Variants in TNRC6B observed in about 807,000 individuals in gnomAD.
The protein encoded by TNRC6B is trinucleotide repeat containing adaptor 6B, also known as trinucleotide repeat-containing gene 6B protein.
A neutral mutation model predicts 203.6 loss-of-function variants in TNRC6B; 52 were observed. The observed-to-expected ratio is 0.26, with a 90% confidence interval of 0.20 to 0.32. The LOEUF (loss-of-function observed/expected upper bound fraction) is 0.32. Ranked by LOEUF, TNRC6B falls within the 10% of genes least tolerant of loss-of-function variation. The pLI, the probability that TNRC6B is intolerant of heterozygous loss-of-function variation, is 1.00. For missense variants in TNRC6B, 1,923 were observed against 2,286.2 expected (o/e 0.84, Z 3.24); for synonymous variants, 838 against 845.7 (o/e 0.99, Z 0.16).
chr22:40,209,365 G>C (rs2069528318), intron 1 of TNRC6B, among the ~76,000 whole-genome samples: 1 of 152,120 alleles, frequency 6.6e-6, no homozygotes, highest in Non-Finnish European at 1.5e-5. Context: ...CAGTCATCTG[G>C]TTGGTTAGCA....
intron 3 of TNRC6B, among the ~76,000 whole-genome samples, chr22:40,126,631 C>G (rs1433164379): frequency 1.6e-5 from 2 of 123,558 alleles, no homozygotes; most frequent in Non-Finnish European, 3.2e-5. Flanking sequence ...GGCTCTATTG[C>G]CCAGGCTGGA....
intron 1 of TNRC6B, among the ~76,000 whole-genome samples, chr22:40,225,595 T>TAG (rs2069772154): frequency 6.6e-6 from 1 of 151,938 alleles, no homozygotes; most frequent in South Asian, 2.1e-4. Context: ...AAATAAAACT[T>TAG]AGCCAGGTGT....
upstream of TNRC6B, among the ~76,000 whole-genome samples, chr22:40,175,990 GT>G (rs2069052507): frequency 6.6e-6 from 1 of 152,194 alleles, no homozygotes; most frequent in Non-Finnish European, 1.5e-5. Context: ...GGAAAGCCGG[GT>G]TTCTAGAATC....
At chr22:40,077,032 GAAAAA>G (rs2068020744) in intron 1 of TNRC6B, among the ~76,000 whole-genome samples, 1 of 126,348 alleles carries the variant, frequency 7.9e-6, no homozygotes, top group African/African-American at 2.9e-5. Flanking sequence ...GAGAAAAAAA[GAAAAA>G]AGAAAAGGAA....
At chr22:40,056,820 A>G (rs946407780) in intron 1 of TNRC6B, among the ~76,000 whole-genome samples, 18 of 151,294 alleles carry the variant, frequency 1.2e-4, no homozygotes, top group African/African-American at 4.4e-4. Context: ...AAAAAGAAAG[A>G]AAAATCTATA....
At chr22:40,080,385 T>C (rs1390852499) in intron 1 of TNRC6B, among the ~76,000 whole-genome samples, 1 of 152,192 alleles carries the variant, frequency 6.6e-6, no homozygotes, top group Non-Finnish European at 1.5e-5. Flanking sequence ...TTTTGCATTC[T>C]GTTTGATTAT....
At chr22:40,069,491 A>ATT (rs370817024) in intron 1 of TNRC6B, among the ~76,000 whole-genome samples, 3 of 137,822 alleles carry the variant, frequency 2.2e-5, no homozygotes, top group Admixed American at 7.2e-5. Flanking sequence ...TTTTTTTTTA[A>ATT]TTTTTTTTTT....
chr22:40,230,309 A>C (rs1830150883), intron 1 of TNRC6B, among the ~76,000 whole-genome samples: 2 of 138,494 alleles, frequency 1.4e-5, no homozygotes, highest in Admixed American at 1.5e-4. Flanking sequence ...TTTTTTTTAA[A>C]GACAGGTTCT....
chr22:40,159,643 C>G (rs1016374151), intron 4 of TNRC6B, among the ~76,000 whole-genome samples: 2 of 140,806 alleles, frequency 1.4e-5, no homozygotes, highest in African/African-American at 5.6e-5. Context: ...CATCTTAAAA[C>G]ATTAAAAAAA....
intron 1 of TNRC6B, among the ~76,000 whole-genome samples, chr22:40,058,419 TTTAGCAC>T (rs2067819406): frequency 5.5e-5 from 6 of 108,684 alleles, no homozygotes; most frequent in Admixed American, 2.5e-4. Flanking sequence ...CACAATGTGC[TTTAGCAC>T]AATGTGACAC....
At chr22:40,301,068 T>C (rs2071016572) in intron 14 of TNRC6B, 63 bp downstream of exon 14, 3 of 1,574,646 alleles carry the variant, frequency 1.9e-6, no homozygotes, top group African/African-American at 2.7e-5. Context: ...GCTTAGCCTC[T>C]GATGGCAAAG....
intron 1 of TNRC6B, among the ~76,000 whole-genome samples, chr22:40,235,902 T>C (rs1392941097): frequency 6.6e-6 from 1 of 152,238 alleles, no homozygotes; most frequent in Non-Finnish European, 1.5e-5. Context: ...TGATTTAAAG[T>C]AGGAGTCCTT....
At chr22:40,212,020 C>T (rs1460945139) in intron 1 of TNRC6B, among the ~76,000 whole-genome samples, 1 of 152,188 alleles carries the variant, frequency 6.6e-6, no homozygotes, top group Non-Finnish European at 1.5e-5. Context: ...AATTACTTTG[C>T]TTAGTAGGTG....
At chr22:40,207,969 C>T (rs1555889716) in intron 1 of TNRC6B, among the ~76,000 whole-genome samples, 1 of 151,862 alleles carries the variant, frequency 6.6e-6, no homozygotes, top group Non-Finnish European at 1.5e-5. Flanking sequence ...AAAAAATTAG[C>T]CGGGCATGGT....
chr22:40,145,981 A>G (rs1184600767), intron 3 of TNRC6B, among the ~76,000 whole-genome samples: 1 of 152,230 alleles, frequency 6.6e-6, no homozygotes, highest in Non-Finnish European at 1.5e-5. Context: ...GGATGGAAAC[A>G]GAATTGGGAT....
chr22:40,218,374 T>C (rs2069665370), intron 1 of TNRC6B, among the ~76,000 whole-genome samples: 1 of 137,214 alleles, frequency 7.3e-6, no homozygotes, highest in African/African-American at 2.6e-5. Context: ...TCACTCAGGC[T>C]GGAGTGCAGT....
chr22:40,234,259 G>A (rs974380883), intron 1 of TNRC6B, among the ~76,000 whole-genome samples: 6 of 152,132 alleles, frequency 3.9e-5, no homozygotes, highest in Non-Finnish European at 4.4e-5. Context: ...GCATTCCTGC[G>A]TGATAGAGCA....
intron 1 of TNRC6B, among the ~76,000 whole-genome samples, chr22:40,085,907 A>C (rs996639526): frequency 6.6e-6 from 1 of 151,584 alleles, no homozygotes; most frequent in Non-Finnish European, 1.5e-5. Flanking sequence ...GTCTTGTTCT[A>C]TTGTCCAGTC....
intron 5 of TNRC6B, among the ~76,000 whole-genome samples, chr22:40,267,273 A>G (rs879726000): frequency 3.9e-5 from 6 of 152,226 alleles, no homozygotes; most frequent in Non-Finnish European, 5.9e-5. Flanking sequence ...TTAGTCCCCA[A>G]AATTATTTTT....
Sources: gnomAD v4.1 joint callset for allele counts (sites outside exome capture counted in the v4.1 genomes callset) on GRCh38, gnomAD v4.1.1 for gene constraint, MANE v1.5 for transcripts, NCBI Gene and HGNC (gene_info 2026-07-23, HGNC 2026-07-21) for gene names.